CPA4: variants seen among roughly 807,000 people sequenced by gnomAD.
The protein encoded by CPA4 is carboxypeptidase A3.
Under a neutral mutation model 54.7 loss-of-function variants are expected in CPA4, and 49 were observed. That is an observed-to-expected ratio of 0.90 (90% CI 0.71 to 1.14). CPA4 has a LOEUF of 1.14. Ranked by LOEUF, CPA4 falls within the 50% of genes most tolerant of loss-of-function variation. CPA4 has a pLI of 0.00. For synonymous variants in CPA4, 215 were observed against 206.8 expected (o/e 1.04, Z -0.34); for missense variants, 487 against 525.1 (o/e 0.93, Z 0.71).
intron 4 of CPA4, among the ~76,000 whole-genome samples, chr7:130,302,377 T>C (rs1349370590): frequency 6.6e-6 from 1 of 151,520 alleles, no homozygotes; most frequent in Non-Finnish European, 1.5e-5. Context: ...TAGTCCCAGC[T>C]ACTTGGGAAG....
At chr7:130,319,053 T>C (rs1794041016) in intron 10 of CPA4, among the ~76,000 whole-genome samples, 1 of 152,224 alleles carries the variant, frequency 6.6e-6, no homozygotes, top group South Asian at 2.1e-4. Flanking sequence ...CGTCTTGGAC[T>C]GTTTGGACCT....
chr7:130,319,183 C>T (rs1477242274), intron 10 of CPA4, among the ~76,000 whole-genome samples: 1 of 152,218 alleles, frequency 6.6e-6, no homozygotes, highest in East Asian at 1.9e-4. Flanking sequence ...CAGCCTCTAG[C>T]AACCCTTTCC....
chr7:130,308,466 G>T, intron 8 of CPA4, 69 bp downstream of exon 8: 2 of 1,304,950 alleles, frequency 1.5e-6, no homozygotes, highest in South Asian at 1.2e-5. Flanking sequence ...AGTGCTCTGA[G>T]CTGGCCGGGA....
intron 10 of CPA4, among the ~76,000 whole-genome samples, chr7:130,321,913 T>G (rs953351702): frequency 6.6e-6 from 1 of 152,204 alleles, no homozygotes; most frequent in Non-Finnish European, 1.5e-5. Flanking sequence ...GCATTTTTCA[T>G]TCACTACCTC....
chr7:130,308,354 C>A lies in CPA4; in HGVS notation c.750C>A (p.Cys250Ter). Residue 250 changes from cysteine to a stop codon, truncating the protein, a stop_gained, in exon 8 of 11, where the codon TGC becomes TGA. Transcript: ENST00000222482. LOFTEE classifies it high-confidence loss of function. ...GGTCCCGAAATCCTGGAAGCTCCTGCATTGGTGCTGACCCAAATAGAAACT... is the reference window on the plus strand; with the variant it reads ...GGTCCCGAAATCCTGGAAGCTCCTGAATTGGTGCTGACCCAAATAGAAACT... ...KTRSRNPGSSCIGADPNRNWN... is the reference protein window; with the variant it reads ...KTRSRNPGSS 1 of 1,614,196 alleles carries A rather than the reference C, an allele frequency of 6.2e-7. No homozygotes were observed. The highest frequency in any genetic ancestry group is 8.5e-7 in the Non-Finnish European group (1 of 1,180,032).
chr7:130,314,165 T>C (rs1324916963), intron 10 of CPA4, among the ~76,000 whole-genome samples: 4 of 152,112 alleles, frequency 2.6e-5, no homozygotes, highest in Non-Finnish European at 5.9e-5. Flanking sequence ...CTTTGTTAGT[T>C]TGGTGGTCAG....
Position 130,305,874 on chromosome 7 carries a change from C to A in CPA4, c.545C>A (p.Ser182Tyr). ...GTTTGGCTGAATGCAGGCATCCATT[C>A]CCGAGAGTGGATCTCCCAGGCCACT... Reference protein sequence around the residue: ...PAVWLNAGIHSREWISQATAI... With the variant: ...PAVWLNAGIHYREWISQATAI... Residue 182 changes from serine (S) to tyrosine (Y), a missense_variant, in exon 6 of 11, where the codon TCC becomes TAC. Ser to Tyr is a moderately radical substitution (Grantham distance 144). Transcript: ENST00000222482. 1 of 1,614,148 alleles carries A rather than the reference C, an allele frequency of 6.2e-7. No individual in the cohort carries two copies. The highest frequency in any genetic ancestry group is 8.5e-7 in the Non-Finnish European group (1 of 1,180,020).
chr7:130,319,655 G>A (rs1794055285), intron 10 of CPA4, among the ~76,000 whole-genome samples: 1 of 152,206 alleles, frequency 6.6e-6, no homozygotes, highest in African/African-American at 2.4e-5. Context: ...GGACTGGGGA[G>A]GTGGGAGGCA....
intron 6 of CPA4, chr7:130,306,276 A>C (rs1793819623): frequency 3.4e-6 from 1 of 295,618 alleles, no homozygotes; most frequent in South Asian, 4.1e-5. Context: ...GGAGGGCAGC[A>C]GGAGGCTGAG....
chr7:130,299,189 G>T, intron 2 of CPA4, 81 bp from the exon 3 acceptor site: 1 of 1,418,158 alleles, frequency 7.1e-7, no homozygotes, highest in Non-Finnish European at 9.9e-7. Context: ...CCTGGCTTTT[G>T]GCAGTGTTCT....
intron 3 of CPA4, among the ~76,000 whole-genome samples, chr7:130,300,263 G>A (rs796457910): frequency 6.6e-5 from 10 of 152,228 alleles, no homozygotes; most frequent in Non-Finnish European, 1.0e-4. Flanking sequence ...TAGCCAAAGA[G>A]CGCATATGTT....
At chr7:130,307,167 G>A (rs6953940) in intron 7 of CPA4, among the ~76,000 whole-genome samples, 52,555 of 151,580 alleles carry the variant, frequency 0.35, 9,314 homozygotes, top group Non-Finnish European at 0.4. Flanking sequence ...TTTTCGTGAC[G>A]TATTTAAAAC....
In CPA4 at chr7:130,306,815, C is replaced by A. The variant is rs1189707952; in HGVS notation, c.620C>A (p.Ala207Asp). ...GTATCTGATTACCAGAGGGATCCAG[C>A]TATCACCTCCATCTTGGAGAAAATG... ...KIVSDYQRDP[A>D]ITSILEKMDI... The change falls in exon 7 of 11, where the codon GCT (alanine) becomes GAT (aspartate). Residue 207 changes from alanine (A) to aspartate (D), a missense_variant. By Grantham distance (126) the Ala-to-Asp change is moderately radical (BLOSUM62 -2). Coordinates refer to ENST00000222482, the MANE Select transcript of CPA4 (RefSeq NM_016352.4). The A allele has an allele frequency of 4.4e-6, 7 of 1,608,520 alleles. No individual in the cohort carries two copies. The highest frequency in any genetic ancestry group is 6.0e-6 in the Non-Finnish European group (7 of 1,174,938).
chr7:130,301,000 C>A, intron 4 of CPA4, 86 bp downstream of exon 4: 1 of 825,646 alleles, frequency 1.2e-6, no homozygotes, highest in Non-Finnish European at 2.1e-6. Flanking sequence ...AGACATTAGT[C>A]TTCAGCACAA....
intron 1 of CPA4, among the ~76,000 whole-genome samples, chr7:130,297,755 A>T (rs1793672621): frequency 2.0e-5 from 3 of 152,080 alleles, no homozygotes; most frequent in Admixed American, 2.0e-4. Context: ...CTTTGCATTC[A>T]CTTGTGTCAA....
chr7:130,308,404 G>A lies in CPA4; in HGVS notation c.793+7G>A, dbSNP rs768563009. 22 of 1,611,058 alleles carry A rather than the reference G, an allele frequency of 1.4e-5. No homozygotes were observed. The highest frequency in any genetic ancestry group is 2.2e-5 in the East Asian group (1 of 44,880). ...TGGAACGCTAGTTTTGCAGGTAGGC[G>A]GTGGGGAGACAGTTCTCAAATCCTG... On this transcript the variant is annotated splice_region_variant and intron_variant, in intron 8 of 10. Transcript: ENST00000222482.
rs758497417 is a variant in CPA4, at chr7:130,310,329, G to T, written c.794-458G>T. ...ATTATGAAGTAATACAGAAGGCAGTGTTTCTAAATACCTGTCAAATAATCA... is the reference window on the plus strand; with the variant it reads ...ATTATGAAGTAATACAGAAGGCAGTTTTTCTAAATACCTGTCAAATAATCA... On this transcript the variant is annotated intron_variant, in intron 8 of 10. Coordinates refer to ENST00000222482, the MANE Select transcript of CPA4 (RefSeq NM_016352.4). The surrounding 1 kb of genome is among the most constrained non-coding windows in gnomAD (Gnocchi z 4.3). 1.9e-4 allele frequency among the ~76,000 whole-genome samples: 29 copies of T among 152,202 alleles called. No individual in the cohort carries two copies. The highest frequency in any genetic ancestry group is 3.4e-4 in the Non-Finnish European group (23 of 68,036).
intron 10 of CPA4, among the ~76,000 whole-genome samples, chr7:130,317,894 C>G (rs1333216868): frequency 6.6e-6 from 1 of 152,182 alleles, no homozygotes; most frequent in South Asian, 2.1e-4. Flanking sequence ...TTGACTCACT[C>G]TCAACTGGCT....
intron 3 of CPA4, among the ~76,000 whole-genome samples, chr7:130,300,268 T>C (rs1283898601): frequency 6.6e-6 from 1 of 151,996 alleles, no homozygotes; most frequent in Admixed American, 6.6e-5. Context: ...AAAGAGCGCA[T>C]ATGTTGCTTC....
Sources: allele counts gnomAD v4.1 joint callset (sites outside exome capture counted in the v4.1 genomes callset), GRCh38; gene constraint gnomAD v4.1.1; non-coding constraint Gnocchi (gnomAD v3.1); transcripts MANE v1.5; gene names NCBI Gene and HGNC (gene_info 2026-07-23, HGNC 2026-07-21).